Variants in MOXD1 observed in about 807,000 individuals in gnomAD.
The protein encoded by MOXD1 is monooxygenase DBH like 1, also known as DBH-like monooxygenase protein 1.
In MOXD1, 62 loss-of-function variants were observed where a neutral mutation model predicts 66.6. That is an observed-to-expected ratio of 0.93 (90% confidence interval 0.76 to 1.15). MOXD1 has a LOEUF of 1.15. MOXD1 is among the 50% of genes most tolerant of loss of function. The pLI, the probability that MOXD1 is intolerant of heterozygous loss-of-function variation, is 0.00. For synonymous variants in MOXD1, 303 were observed against 281.9 expected (o/e 1.07, Z -0.75); for missense variants, 847 against 754.6 (o/e 1.12, Z -1.44).
At chr6:132,344,277 A>T (rs768991150) in intron 4 of MOXD1, among the ~76,000 whole-genome samples, 2 of 152,178 alleles carry the variant, frequency 1.3e-5, no homozygotes, top group Admixed American at 6.5e-5. Context: ...TTGACAACTT[A>T]ATTAACTGTA....
At chr6:132,372,733 T>C in intron 3 of MOXD1, 42 bp from the exon 4 acceptor site, 3 of 1,607,916 alleles carry the variant, frequency 1.9e-6, no homozygotes, top group Non-Finnish European at 2.6e-6. Context: ...AGTCACCTTC[T>C]CTTAACATGC....
At chr6:132,318,707 T>C (rs1301807731) in intron 9 of MOXD1, among the ~76,000 whole-genome samples, 1 of 152,072 alleles carries the variant, frequency 6.6e-6, no homozygotes, top group Non-Finnish European at 1.5e-5. Context: ...GTTTGTGCTT[T>C]TATGCTTTGC....
chr6:132,386,497 T>C (rs1237911915), intron 1 of MOXD1, among the ~76,000 whole-genome samples: 2 of 148,012 alleles, frequency 1.4e-5, no homozygotes, highest in East Asian at 2.0e-4. Context: ...ATTGTGATGA[T>C]AATGATTCAA....
chr6:132,310,777 G>A (rs749075944), intron 10 of MOXD1, among the ~76,000 whole-genome samples: 8 of 152,154 alleles, frequency 5.3e-5, no homozygotes, highest in East Asian at 1.9e-4. Flanking sequence ...ACTGTCACTC[G>A]TAAGTGGGAG....
chr6:132,370,627 T>C (rs1776245394), intron 4 of MOXD1, among the ~76,000 whole-genome samples: 1 of 152,076 alleles, frequency 6.6e-6, no homozygotes, highest in South Asian at 2.1e-4. Context: ...ACAACAAAAG[T>C]TTGTATGAGC....
At chr6:132,393,151 A>AGTGTGTGTGT (rs60580838) in intron 1 of MOXD1, among the ~76,000 whole-genome samples, 12,105 of 150,696 alleles carry the variant, frequency 0.08, 662 homozygotes, top group African/African-American at 0.15. Context: ...GAGTGGAGTG[A>AGTGTGTGTGT]GTGTGTGTGT....
intron 10 of MOXD1, among the ~76,000 whole-genome samples, chr6:132,310,956 C>A (rs1484547237): frequency 6.6e-6 from 1 of 151,876 alleles, no homozygotes; most frequent in Non-Finnish European, 1.5e-5. Context: ...CACATGTATC[C>A]CGTTTTTTGT....
chr6:132,312,520 T>C (rs1774852134), intron 10 of MOXD1, among the ~76,000 whole-genome samples: 1 of 152,166 alleles, frequency 6.6e-6, no homozygotes, highest in South Asian at 2.1e-4. Context: ...AGTCTAAACA[T>C]GTATTTTTAA....
chr6:132,358,862 A>C (rs1354776887), intron 4 of MOXD1, among the ~76,000 whole-genome samples: 2 of 152,214 alleles, frequency 1.3e-5, no homozygotes, highest in African/African-American at 4.8e-5. Context: ...TTGGTAAATA[A>C]ATAAATAATT....
At chr6:132,399,646 T>A (rs1344023588) in intron 1 of MOXD1, among the ~76,000 whole-genome samples, 1 of 152,318 alleles carries the variant, frequency 6.6e-6, no homozygotes, top group African/African-American at 2.4e-5. Flanking sequence ...GGGAAAATAA[T>A]ATGGAGTTAA....
intron 2 of MOXD1, 144 bp downstream of exon 2, chr6:132,374,485 CTA>C (rs201910462): frequency 5.9e-6 from 5 of 840,990 alleles, no homozygotes; most frequent in Non-Finnish European, 7.7e-6. Context: ...AAAGAAAAAA[CTA>C]AAAAAAAAAC....
At chr6:132,312,090 C>G (rs934551837) in intron 10 of MOXD1, among the ~76,000 whole-genome samples, 36 of 151,774 alleles carry the variant, frequency 2.4e-4, no homozygotes, top group African/African-American at 1.7e-4. Context: ...AACTCATTAT[C>G]TATTTTGTTG....
chr6:132,343,681 A>T (rs1775610647), intron 4 of MOXD1, among the ~76,000 whole-genome samples: 1 of 152,200 alleles, frequency 6.6e-6, no homozygotes, highest in Non-Finnish European at 1.5e-5. Context: ...CAACAATGAC[A>T]TACCTATCAG....
chr6:132,303,806 C>CGTGTGTGTGTGTGTGTGTGT (rs1562276293), intron 10 of MOXD1, among the ~76,000 whole-genome samples: 4 of 91,318 alleles, frequency 4.4e-5, no homozygotes, highest in Non-Finnish European at 7.8e-5. Flanking sequence ...TATACACACA[C>CGTGTGTGTGTGTGTGTGTGT]ATGTGTGTGT....
At chr6:132,309,950 T>C (rs1483692892) in intron 10 of MOXD1, among the ~76,000 whole-genome samples, 1 of 152,176 alleles carries the variant, frequency 6.6e-6, no homozygotes, top group Non-Finnish European at 1.5e-5. Flanking sequence ...GGGCAAAGAC[T>C]TCATGACAAA....
chr6:132,374,471 TA>T (rs1776332329), intron 2 of MOXD1, among the ~76,000 whole-genome samples, 159 bp downstream of exon 2: 1 of 126,394 alleles, frequency 7.9e-6, no homozygotes, highest in African/African-American at 4.4e-5. Flanking sequence ...TCTAAAAAAG[TA>T]AAAAAGAAAA....
At chr6:132,346,963 A>G (rs1775679726) in intron 4 of MOXD1, among the ~76,000 whole-genome samples, 1 of 152,220 alleles carries the variant, frequency 6.6e-6, no homozygotes. Context: ...CCACAATTGG[A>G]TCAATTGTCA....
At chr6:132,305,379 C>A (rs1459770839) in intron 10 of MOXD1, among the ~76,000 whole-genome samples, 3 of 152,252 alleles carry the variant, frequency 2.0e-5, no homozygotes, top group South Asian at 4.1e-4. Flanking sequence ...TAGTCCTAAG[C>A]CCCTAAGGGG....
intron 9 of MOXD1, 21 bp downstream of exon 9, chr6:132,320,608 T>C: frequency 6.4e-7 from 1 of 1,574,756 alleles, no homozygotes; most frequent in Non-Finnish European, 8.6e-7. Flanking sequence ...TGAACTTTAA[T>C]AATAATAAAA....
Sources: allele counts gnomAD v4.1 joint callset (sites outside exome capture counted in the v4.1 genomes callset), GRCh38; gene constraint gnomAD v4.1.1; transcripts MANE v1.5; gene names NCBI Gene and HGNC (gene_info 2026-07-23, HGNC 2026-07-21).